DNAJC13: variants seen among roughly 807,000 people sequenced by gnomAD.
DNAJC13 encodes dnaJ homolog subfamily C member 13.
Under a neutral mutation model 290.5 loss-of-function variants are expected in DNAJC13, and 75 were observed. The ratio of observed to expected loss-of-function variants is 0.26; its 90% CI spans 0.21 to 0.31. The LOEUF (loss-of-function observed/expected upper bound fraction) is 0.31, where lower values mean the gene tolerates loss of function less well. DNAJC13 is among the 10% of genes least tolerant of loss of function. The probability of loss-of-function intolerance (pLI) is 1.00; values close to 1 mark genes in which losing one functional copy is unlikely to be tolerated. For synonymous variants in DNAJC13, 862 were observed against 892.0 expected, an observed-to-expected ratio of 0.97 and a Z score of 0.60; for missense variants, 2,260 against 2,674.5, an observed-to-expected ratio of 0.85 and a Z score of 3.42.
intron 21 of DNAJC13, among the ~76,000 whole-genome samples, chr3:132,473,788 A>G (rs113408797): frequency 0.063 from 9,533 of 152,258 alleles, 396 homozygotes; most frequent in Non-Finnish European, 0.092. Flanking sequence ...TGACATTTCA[A>G]TTATACCTTG....
intron 46 of DNAJC13, among the ~76,000 whole-genome samples, chr3:132,515,770 G>C (rs1935901536): frequency 6.6e-6 from 1 of 152,148 alleles, no homozygotes; most frequent in African/African-American, 2.4e-5. Context: ...ATCTTACACT[G>C]TTTGCTAAGG....
intron 1 of DNAJC13, among the ~76,000 whole-genome samples, chr3:132,418,202 T>A (rs1938853911): frequency 6.6e-6 from 1 of 152,182 alleles, no homozygotes; most frequent in South Asian, 2.1e-4. Context: ...AGACTGACTT[T>A]CTTTGCTTTG....
intron 55 of DNAJC13, among the ~76,000 whole-genome samples, chr3:132,531,364 C>T (rs971855004): frequency 1.3e-5 from 2 of 152,112 alleles, no homozygotes; most frequent in African/African-American, 4.8e-5. Flanking sequence ...ATATTTGGAG[C>T]ATGTCTGTAT....
At chr3:132,523,855 A>G (rs1936171549) in intron 51 of DNAJC13, 142 bp downstream of exon 51, 2 of 762,244 alleles carry the variant, frequency 2.6e-6, no homozygotes, top group East Asian at 2.8e-5. Context: ...AAATTCACAT[A>G]TGCCCCTCGA....
At chr3:132,473,548 C>T (rs1934359425) in intron 21 of DNAJC13, among the ~76,000 whole-genome samples, 1 of 152,104 alleles carries the variant, frequency 6.6e-6, no homozygotes, top group Non-Finnish European at 1.5e-5. Flanking sequence ...TTAAAAGAGG[C>T]AGATGATAAC....
rs1188712389 is a variant in DNAJC13, at chr3:132,526,133, G to T, written c.6241-8G>T. ...GTCTACAAGTAACCTTCTCTTTTGG[G>T]CACTTAGCTGTGTGTTCGAGCCATG... On this transcript the variant is annotated splice_polypyrimidine_tract_variant and splice_region_variant and intron_variant, in intron 52 of 55. Coordinates refer to ENST00000260818, the MANE Select transcript of DNAJC13 (RefSeq NM_015268.4). The T allele has an allele frequency of 2.5e-6, 4 of 1,613,610 alleles. No homozygotes were observed. In the South Asian group the frequency reaches 3.3e-5, roughly 13 times the overall value.
At chr3:132,490,198 TC>T (rs1042069798) in intron 31 of DNAJC13, among the ~76,000 whole-genome samples, 10 of 152,216 alleles carry the variant, frequency 6.6e-5, no homozygotes, top group African/African-American at 2.4e-4. Flanking sequence ...TTGGGTTTTT[TC>T]CCTCGTCTCT....
Position 132,500,779 on chromosome 3 carries a change from T to C in DNAJC13, c.4417-15T>C. On this transcript the variant is annotated splice_polypyrimidine_tract_variant and intron_variant, in intron 38 of 55. Coordinates refer to ENST00000260818, the MANE Select transcript of DNAJC13 (RefSeq NM_015268.4). ...TGACTCTACTGGTTTTTTTGCTCTG[T>C]TGTGTTGTCTGCAGGTGTGTGGATA... 1.9e-6 allele frequency: 3 copies of C among 1,613,506 alleles called. No individual in the cohort carries two copies. The highest frequency in any genetic ancestry group is 2.2e-5 in the South Asian group (2 of 91,022).
At chr3:132,497,908 T>A (rs1336123782) in intron 36 of DNAJC13, among the ~76,000 whole-genome samples, 2 of 152,326 alleles carry the variant, frequency 1.3e-5, no homozygotes, top group East Asian at 1.9e-4. Context: ...GCCTTTTTTT[T>A]AAAAGCCAGT....
chr3:132,481,428 A>T (rs949340037), intron 26 of DNAJC13, among the ~76,000 whole-genome samples: 2 of 152,144 alleles, frequency 1.3e-5, no homozygotes, highest in Non-Finnish European at 2.9e-5. Flanking sequence ...CTTGACAAAA[A>T]CAAAAAGCCA....
intron 4 of DNAJC13, 107 bp from the exon 5 acceptor site, chr3:132,447,791 G>A (rs1321741928): frequency 1.2e-6 from 1 of 851,768 alleles, no homozygotes; most frequent in Admixed American, 2.4e-5. Flanking sequence ...AGTTTTTAGT[G>A]TCCAGGTTAC....
At chr3:132,454,957 G>A (rs1434715524) in intron 9 of DNAJC13, among the ~76,000 whole-genome samples, 1 of 152,078 alleles carries the variant, frequency 6.6e-6, no homozygotes, top group East Asian at 1.9e-4. Flanking sequence ...CAACTTCTTT[G>A]TGACTTGGGG....
At chr3:132,426,042 G>T (rs1162413610) in intron 1 of DNAJC13, among the ~76,000 whole-genome samples, 1 of 152,040 alleles carries the variant, frequency 6.6e-6, no homozygotes, top group African/African-American at 2.4e-5. Flanking sequence ...AACCATAAAT[G>T]ATCTTAAATG....
chr3:132,469,252 G>A (rs1023606192), intron 20 of DNAJC13, among the ~76,000 whole-genome samples: 2 of 152,146 alleles, frequency 1.3e-5, no homozygotes, highest in East Asian at 3.8e-4. Context: ...TCAAAGTTTG[G>A]AATGATCTTA....
intron 9 of DNAJC13, among the ~76,000 whole-genome samples, chr3:132,455,512 G>GC (rs1255394260): frequency 2.6e-5 from 4 of 152,128 alleles, no homozygotes; most frequent in African/African-American, 9.7e-5. Flanking sequence ...ATGAAAAGAT[G>GC]CCCACAGAGA....
intron 16 of DNAJC13, 78 bp from the exon 17 acceptor site, chr3:132,463,618 T>A: frequency 6.8e-7 from 1 of 1,472,092 alleles, no homozygotes; most frequent in East Asian, 2.4e-5. Context: ...CATTTAAATA[T>A]GTAAAATTAG....
At chr3:132,526,040 A>G in intron 52 of DNAJC13, 101 bp from the exon 53 acceptor site, 1 of 1,455,628 alleles carries the variant, frequency 6.9e-7, no homozygotes, top group Non-Finnish European at 9.2e-7. Flanking sequence ...AACTGAAAGT[A>G]AGGGATTCTT....
In DNAJC13 at chr3:132,491,064, T is replaced by G. The variant is rs948827427; in HGVS notation, c.3623+13T>G. 3 of 1,579,114 alleles carry G rather than the reference T, an allele frequency of 1.9e-6. No individual in the cohort carries two copies. The highest frequency in any genetic ancestry group is 2.7e-5 in the African/African-American group (2 of 72,900). On this transcript the variant is annotated intron_variant, in intron 32 of 55. Coordinates refer to ENST00000260818, the MANE Select transcript of DNAJC13 (RefSeq NM_015268.4). ...GCAGTGAAATGAGGTAAATAACCAG[T>G]TGACTGATTGATTTGTATTTTATAA...
rs768062453 is a variant in DNAJC13 at position 132,528,182 on chromosome 3, C to A, written c.6382-7C>A. 2 of 1,613,502 alleles carry A rather than the reference C, an allele frequency of 1.2e-6. No homozygotes were observed. The highest frequency in any genetic ancestry group is 1.7e-5 in the Admixed American group (1 of 59,930). ...GTGTGTTTATATATGCTTAATATTT[C>A]TTCTAGGCCCTGAAAGCAGATTTGG... On this transcript the variant is annotated splice_region_variant and splice_polypyrimidine_tract_variant and intron_variant, in intron 53 of 55. Coordinates refer to ENST00000260818, the MANE Select transcript of DNAJC13 (RefSeq NM_015268.4).
Sources: allele counts gnomAD v4.1 joint callset (sites outside exome capture counted in the v4.1 genomes callset), GRCh38; gene constraint gnomAD v4.1.1; transcripts MANE v1.5; gene names NCBI Gene and HGNC (gene_info 2026-07-23, HGNC 2026-07-21).